The following RARB variants were observed in gnomAD, a reference collection of about 807,000 sequenced individuals.
RARB encodes the protein HBV-activated protein.
A neutral mutation model predicts 51.9 loss-of-function variants in RARB; 17 were observed. The ratio of observed to expected loss-of-function variants is 0.33; its 90% CI spans 0.22 to 0.49. The LOEUF is 0.49. RARB is among the 20% of genes least tolerant of loss of function. The probability of loss-of-function intolerance (pLI) is 0.99; values close to 1 mark genes in which losing one functional copy is unlikely to be tolerated. For missense variants in RARB, 369 were observed against 550.8 expected (o/e 0.67, Z 3.30); for synonymous variants, 215 against 195.4 (o/e 1.10, Z -0.84).
At position 25,596,587 on chromosome 3, in the gene RARB, G is replaced by A; in HGVS notation, c.1318G>A (p.Gly440Arg). The A allele has an allele frequency of 6.2e-7, 1 of 1,610,420 alleles. No individual in the cohort carries two copies. The highest frequency in any genetic ancestry group is 8.5e-7 in the Non-Finnish European group (1 of 1,177,376). Residue 440 changes from glycine to arginine, a missense_variant, in exon 8 of 8, where the codon GGG becomes AGG. Coordinates refer to ENST00000330688, the MANE Select transcript of RARB (RefSeq NM_000965.5). ...CTCACCCAGCTCAGTGGAAAACAGT[G>A]GGGTCAGTCAGTCACCACTCGTGCA... ...SISPSSVENS[G>R]VSQSPLVQ
intron 2 of RARB, among the ~76,000 whole-genome samples, chr3:24,900,952 A>G (rs999860049): frequency 9.9e-5 from 15 of 152,242 alleles, no homozygotes; most frequent in African/African-American, 7.2e-5. Flanking sequence ...CATTGATCCA[A>G]TATTGGAAGA....
rs142142144 is a variant in RARB at position 25,269,923 on chromosome 3, C to T, written c.178+95348C>T. The stretch of plus-strand genomic sequence containing the variant: ...ACGAAAAGATGTTCAGCATCACTAA[C>T]AATTAGGGAAAGGCAAAATAGAACT... On this transcript the variant is annotated intron_variant, in intron 5 of 11. Transcript: ENST00000383772. Among the ~76,000 whole-genome samples, 889 of 152,148 alleles carry T rather than the reference C, an allele frequency of 5.8e-3. 4 individuals carry two copies. The highest frequency in any genetic ancestry group is 0.027 in the Middle Eastern group (8 of 294).
chr3:25,217,898 A>T (rs1238945310), intron 5 of RARB, among the ~76,000 whole-genome samples: 1 of 152,176 alleles, frequency 6.6e-6, no homozygotes, highest in Non-Finnish European at 1.5e-5. Context: ...TGAGAAATGG[A>T]AGCGCTTTAA....
chr3:25,465,801 T>C (rs1276262056), intron 2 of RARB, among the ~76,000 whole-genome samples: 3 of 151,892 alleles, frequency 2.0e-5, no homozygotes, highest in African/African-American at 7.3e-5. Flanking sequence ...GCCAAGAATG[T>C]TTAACAGTAT....
At chr3:25,018,874 G>T (rs185869656) in intron 2 of RARB, among the ~76,000 whole-genome samples, 14 of 152,160 alleles carry the variant, frequency 9.2e-5, no homozygotes, top group Non-Finnish European at 1.5e-4. Flanking sequence ...AAGCACCGGC[G>T]CTGGAAACAC....
chr3:25,373,085 G>T (rs1251323961), intron 5 of RARB, among the ~76,000 whole-genome samples: 1 of 152,148 alleles, frequency 6.6e-6, no homozygotes, highest in African/African-American at 2.4e-5. Context: ...GCTCTGATTT[G>T]GAAGCGTTTG....
At chr3:25,345,175 C>G (rs929952349) in intron 5 of RARB, among the ~76,000 whole-genome samples, 4 of 152,156 alleles carry the variant, frequency 2.6e-5, no homozygotes, top group African/African-American at 9.7e-5. Context: ...CCCAAACTCA[C>G]AAAAGCTGAG....
At chr3:25,467,104 A>G (rs1223485455) in intron 2 of RARB, among the ~76,000 whole-genome samples, 7 of 152,282 alleles carry the variant, frequency 4.6e-5, no homozygotes, top group South Asian at 2.1e-4. Context: ...CACCCTTCCA[A>G]TCACACTCAA....
At chr3:25,521,581 G>A (rs1489542149) in intron 3 of RARB, among the ~76,000 whole-genome samples, 2 of 151,794 alleles carry the variant, frequency 1.3e-5, no homozygotes, top group Non-Finnish European at 2.9e-5. Context: ...TGTGCAGTAG[G>A]AAGGAATGAA....
chr3:24,832,331 A>T (rs1477157066), intron 1 of RARB, among the ~76,000 whole-genome samples: 1 of 152,062 alleles, frequency 6.6e-6, no homozygotes, highest in Non-Finnish European at 1.5e-5. Flanking sequence ...AGCACAGTGA[A>T]ATCAGTATTA....
intron 5 of RARB, among the ~76,000 whole-genome samples, chr3:25,592,725 A>G (rs1056120992): frequency 6.6e-6 from 1 of 152,230 alleles, no homozygotes; most frequent in African/African-American, 2.4e-5. Flanking sequence ...AGAGTGACTC[A>G]GGCTTTTTGC....
At chr3:25,511,230 T>C (rs1697879284) in intron 3 of RARB, among the ~76,000 whole-genome samples, 2 of 152,162 alleles carry the variant, frequency 1.3e-5, no homozygotes, top group Admixed American at 1.3e-4. Context: ...CCTCCTGGGT[T>C]CACGCCATTC....
intron 5 of RARB, among the ~76,000 whole-genome samples, chr3:25,586,267 C>T (rs1278655300): frequency 1.3e-5 from 2 of 152,082 alleles, no homozygotes; most frequent in African/African-American, 2.4e-5. Context: ...ACCAGCCACC[C>T]GATTCCTCCC....
At chr3:25,249,256 A>G (rs556203149) in intron 5 of RARB, among the ~76,000 whole-genome samples, 2 of 151,998 alleles carry the variant, frequency 1.3e-5, no homozygotes, top group Admixed American at 1.3e-4. Context: ...GCATTTGGTG[A>G]ATCTTTGGTT....
At position 25,184,669 on chromosome 3, in the gene RARB, T is replaced by C. The variant is rs958384584; in HGVS notation, c.178+10094T>C. Among the ~76,000 whole-genome samples the C allele has an allele frequency of 2.0e-5, 3 of 152,266 alleles. No individual in the cohort carries two copies. In the South Asian group the frequency reaches 6.2e-4, roughly 32 times the overall value. On this transcript the variant is annotated intron_variant, in intron 5 of 11. Transcript: ENST00000383772. ...AGGACAATTTATCTTTGAAAAATTA[T>C]GATGTTGTTCATGATCAATTTACAT...
chr3:25,188,798 T>C (rs1701035408), intron 5 of RARB, among the ~76,000 whole-genome samples: 2 of 152,264 alleles, frequency 1.3e-5, no homozygotes, highest in African/African-American at 4.8e-5. Flanking sequence ...TACTTATACA[T>C]ACCATGTTTT....
In RARB at chr3:25,428,675, T is replaced by C. The variant is rs1708078367; in HGVS notation, c.-57T>C. 9 of 1,550,096 alleles carry C rather than the reference T, an allele frequency of 5.8e-6. No individual in the cohort carries two copies. Among genetic ancestry groups the C allele is most frequent in the Non-Finnish European group, 7.9e-6 (9 of 1,137,590 alleles). Reference sequence around the variant, plus strand: ...GAGTTGGGTGGACTTTTCTATGCCATTTGCCTCCACACCTAGAGGATAAGC... The same window carrying C: ...GAGTTGGGTGGACTTTTCTATGCCACTTGCCTCCACACCTAGAGGATAAGC... On this transcript the variant is annotated 5_prime_UTR_variant, in exon 1 of 8. Coordinates refer to ENST00000330688, the MANE Select transcript of RARB (RefSeq NM_000965.5).
chr3:25,455,913 T>C (rs1425801373), intron 1 of RARB, among the ~76,000 whole-genome samples: 1 of 152,210 alleles, frequency 6.6e-6, no homozygotes, highest in Non-Finnish European at 1.5e-5. Context: ...ATCCGAATTA[T>C]TCCTCTAAGA....
chr3:25,407,489 A>G (rs971664487), intron 5 of RARB, among the ~76,000 whole-genome samples: 13 of 152,158 alleles, frequency 8.5e-5, no homozygotes, highest in Admixed American at 3.3e-4. Flanking sequence ...AATTATTATA[A>G]TCCCTGATTC....
Sources: gnomAD v4.1 joint callset for allele counts (sites outside exome capture counted in the v4.1 genomes callset) on GRCh38, gnomAD v4.1.1 for gene constraint, MANE v1.5 for transcripts, NCBI Gene and HGNC (gene_info 2026-07-23, HGNC 2026-07-21) for gene names.